Variants in PDCD6 observed in about 807,000 individuals in gnomAD.
PDCD6 encodes programmed cell death protein 6.
In PDCD6, 12 loss-of-function variants were observed where a neutral mutation model predicts 28.3. The ratio of observed to expected loss-of-function variants is 0.42; its 90% CI spans 0.27 to 0.69. The LOEUF (loss-of-function observed/expected upper bound fraction) is 0.69. PDCD6 is among the 30% of genes least tolerant of loss of function. The pLI, the probability that PDCD6 is intolerant of heterozygous loss-of-function variation, is 0.22. For missense variants in PDCD6, 226 were observed against 269.9 expected, an observed-to-expected ratio of 0.84 and a Z score of 1.14; for synonymous variants, 92 against 108.0, an observed-to-expected ratio of 0.85 and a Z score of 0.92.
At chr5:290,640 T>C (rs1739259647) in intron 2 of PDCD6, among the ~76,000 whole-genome samples, 1 of 152,176 alleles carries the variant, frequency 6.6e-6, no homozygotes, top group Non-Finnish European at 1.5e-5. Flanking sequence ...ACTTAGAACT[T>C]ACCATTTTTC....
chr5:294,271 G>T (rs1739464956), intron 2 of PDCD6, among the ~76,000 whole-genome samples: 1 of 140,238 alleles, frequency 7.1e-6, no homozygotes, highest in Non-Finnish European at 1.5e-5. Context: ...ACAAACCATG[G>T]TCTAGAAATA....
chr5:302,068 C>CTGTGTGTGTGTGTG (rs1491538086), intron 2 of PDCD6, among the ~76,000 whole-genome samples: 1 of 63,374 alleles, frequency 1.6e-5, no homozygotes, highest in Non-Finnish European at 3.9e-5. Context: ...TTGAGTGCTG[C>CTGTGTGTGTGTGTG]TCTGTGTGTG....
At chr5:310,086 TC>T (rs1456490881) in intron 4 of PDCD6, 5 of 232,686 alleles carry the variant, frequency 2.1e-5, no homozygotes, top group Non-Finnish European at 4.3e-5. Context: ...TGTGGGCCTG[TC>T]CCAGGCTCTG....
At chr5:284,582 G>A (rs557712090) in intron 2 of PDCD6, among the ~76,000 whole-genome samples, 14 of 151,612 alleles carry the variant, frequency 9.2e-5, no homozygotes, top group African/African-American at 2.4e-4. Context: ...CTGATGTTCC[G>A]GTATGAGGGC....
In PDCD6 at chr5:305,735, C is replaced by T. The variant is rs1304084476; in HGVS notation, c.209-867C>T. ...CAGCCCCTGGTCCACACACCACACA[C>T]GTCGTGGAACGGTGCACGTCGTGGA... On this transcript the variant is annotated intron_variant, in intron 3 of 5. Transcript: ENST00000264933. The surrounding 1 kb of genome is among the most constrained non-coding windows in gnomAD (Gnocchi z 4.0). 3.9e-5 allele frequency: 6 copies of T among 152,198 alleles called. No homozygotes were observed. Among genetic ancestry groups the T allele is most frequent in the Non-Finnish European group, 7.3e-5 (5 of 68,052 alleles). The allele number at this position is 152,198 out of a possible 1,614,324, so 9.4% of individuals were successfully genotyped here.
chr5:292,418 CT>C (rs1347531041), intron 2 of PDCD6, among the ~76,000 whole-genome samples: 2 of 152,114 alleles, frequency 1.3e-5, no homozygotes, highest in African/African-American at 2.4e-5. Flanking sequence ...GCCACCACCC[CT>C]GGCTAATTTT....
chr5:311,671 T>G (rs1031083101), intron 5 of PDCD6: 11 of 416,032 alleles, frequency 2.6e-5, no homozygotes, highest in Admixed American at 4.5e-5. Context: ...TGTTCTGGTG[T>G]TGTGGTTTTT....
rs544994776 is a variant in PDCD6, at chr5:297,863, C to T, written c.164-6314C>T. The stretch of plus-strand genomic sequence containing the variant: ...TAATACAAAAAGTATAGAATATGAC[C>T]TTTTGTCACATAGCAATAGGGAAAT... On this transcript the variant is annotated intron_variant, in intron 2 of 5. Transcript: ENST00000264933. Among the ~76,000 whole-genome samples, 4 of 152,244 alleles carry T rather than the reference C, an allele frequency of 2.6e-5. No individual in the cohort carries two copies. The South Asian group carries it at 8.3e-4, about 32-fold the overall frequency.
chr5:285,381 G>T (rs1738883919), intron 2 of PDCD6, among the ~76,000 whole-genome samples: 1 of 152,088 alleles, frequency 6.6e-6, no homozygotes, highest in African/African-American at 2.4e-5. Flanking sequence ...GCCCTGGGGC[G>T]GAGCTGATAT....
chr5:295,468 A>G (rs1235703817), intron 2 of PDCD6, among the ~76,000 whole-genome samples: 2 of 149,852 alleles, frequency 1.3e-5, no homozygotes, highest in African/African-American at 4.9e-5. Context: ...ATATAGTAAA[A>G]CAATGCACAT....
intron 2 of PDCD6, among the ~76,000 whole-genome samples, chr5:284,372 G>T (rs529919430): frequency 6.6e-6 from 1 of 152,338 alleles, no homozygotes; most frequent in East Asian, 1.9e-4. Context: ...TCTGGTTTGA[G>T]GGTCGCGTAG....
At position 271,678 on chromosome 5, in the gene PDCD6, C is replaced by G. The variant is rs753745481; in HGVS notation, c.-43C>G. 17 of 1,201,902 alleles carry G rather than the reference C, an allele frequency of 1.4e-5. No individual in the cohort carries two copies. Among genetic ancestry groups the G allele is most frequent in the South Asian group, 3.9e-5 (3 of 77,740 alleles). The allele number at this position is 1,201,902 out of a possible 1,614,324, so 74.5% of individuals were successfully genotyped here. On this transcript the variant is annotated 5_prime_UTR_variant, in exon 1 of 6. Coordinates refer to ENST00000264933, the MANE Select transcript of PDCD6 (RefSeq NM_013232.4). ...GAAGCGGAGTCGGCCTGAGAGGTCT[C>G]TCGTCGCTGCAGGCGCCTCAGCCCA...
chr5:310,789 C>A (rs529064559), intron 4 of PDCD6: 86 of 159,428 alleles, frequency 5.4e-4, no homozygotes, highest in Admixed American at 2.1e-3. Flanking sequence ...CTGACATTGT[C>A]ACTTTGTATA....
At chr5:291,551 G>A (rs959382075) in intron 2 of PDCD6, among the ~76,000 whole-genome samples, 5 of 148,258 alleles carry the variant, frequency 3.4e-5, no homozygotes, top group Admixed American at 6.7e-5. Context: ...TCATTGCTGC[G>A]TGATCTCCCG....
In PDCD6 at chr5:289,944, C is replaced by A; in HGVS notation, c.164-14233C>A. ...AAACACAGCTAACAACCATCACATCCTTTTCTACTCCTCTGAGAAATTTGT... is the reference window on the plus strand; with the variant it reads ...AAACACAGCTAACAACCATCACATCATTTTCTACTCCTCTGAGAAATTTGT... On this transcript the variant is annotated intron_variant, in intron 2 of 5. Coordinates refer to ENST00000264933, the MANE Select transcript of PDCD6 (RefSeq NM_013232.4). 7.7e-6 allele frequency: 12 copies of A among 1,558,950 alleles called. No individual in the cohort carries two copies. The South Asian group carries it at 1.3e-4, about 17-fold the overall frequency.
rs2126768634 is a variant in PDCD6 at position 307,166 on chromosome 5, C to T, written c.367+406C>T. 6.6e-6 allele frequency among the ~76,000 whole-genome samples: 1 copy of T among 152,308 alleles called. No individual in the cohort carries two copies. Among genetic ancestry groups the T allele is most frequent in the Admixed American group, 6.5e-5 (1 of 15,312 alleles). On this transcript the variant is annotated intron_variant, in intron 4 of 5. Coordinates refer to ENST00000264933, the MANE Select transcript of PDCD6 (RefSeq NM_013232.4). The surrounding 1 kb of genome is among the most constrained non-coding windows in gnomAD (Gnocchi z 6.1). ...AAGAAACAGCTGTCAGTCACCAGGTCCAAACCGTGCGCCTCAGAAGGGGCG... is the reference window on the plus strand; with the variant it reads ...AAGAAACAGCTGTCAGTCACCAGGTTCAAACCGTGCGCCTCAGAAGGGGCG...
At chr5:311,098 G>A (rs1464520229) in intron 4 of PDCD6, 195 bp from the exon 5 acceptor site, 1 of 563,190 alleles carries the variant, frequency 1.8e-6, no homozygotes, top group African/African-American at 1.9e-5. Flanking sequence ...CACTGGGGAT[G>A]TCAGCTCATT....
Position 286,372 on chromosome 5 carries a change from G to A in PDCD6, c.163+13600G>A, listed in dbSNP as rs77603245. Among the ~76,000 whole-genome samples, 930 of 151,772 alleles carry A rather than the reference G, an allele frequency of 6.1e-3. 10 individuals carry two copies. Among genetic ancestry groups the A allele is most frequent in the African/African-American group, 0.022 (915 of 41,366 alleles). On this transcript the variant is annotated intron_variant, in intron 2 of 5. Transcript: ENST00000264933. Reference sequence around the variant, plus strand: ...TTGAGAGCCGTGCAGCTGGAGATCCGGGGGTGAGCTGATGTTCCCGTTTGA... The same window carrying A: ...TTGAGAGCCGTGCAGCTGGAGATCCAGGGGTGAGCTGATGTTCCCGTTTGA...
At chr5:310,148 T>C (rs1438073530) in intron 4 of PDCD6, 3 of 165,332 alleles carry the variant, frequency 1.8e-5, no homozygotes, top group African/African-American at 7.3e-5. Flanking sequence ...GAGGTGGGAG[T>C]AGTAGGGACC....
Sources: allele counts gnomAD v4.1 joint callset (sites outside exome capture counted in the v4.1 genomes callset), GRCh38; gene constraint gnomAD v4.1.1; non-coding constraint Gnocchi (gnomAD v3.1); transcripts MANE v1.5; gene names NCBI Gene and HGNC (gene_info 2026-07-23, HGNC 2026-07-21).